Variants in NLGN1 observed in about 807,000 individuals in gnomAD.
The protein encoded by NLGN1 is neuroligin-1.
Under a neutral mutation model 65.5 loss-of-function variants are expected in NLGN1, and 12 were observed. The observed-to-expected ratio is 0.18, with a 90% CI of 0.12 to 0.30. The LOEUF is 0.30. Ranked by LOEUF, NLGN1 falls within the 10% of genes least tolerant of loss-of-function variation. The pLI is 1.00. For synonymous variants in NLGN1, 350 were observed against 359.5 expected (o/e 0.97, Z 0.30); for missense variants, 750 against 1,007.1 (o/e 0.74, Z 3.46).
At chr3:173,496,612 C>T (rs186699468) in intron 2 of NLGN1, among the ~76,000 whole-genome samples, 2 of 151,802 alleles carry the variant, frequency 1.3e-5, no homozygotes, top group Admixed American at 6.5e-5. Context: ...TATCTGTTAG[C>T]TTATCACAAT....
At chr3:174,044,493 G>A (rs561552290) in intron 4 of NLGN1, among the ~76,000 whole-genome samples, 45 of 152,140 alleles carry the variant, frequency 3.0e-4, no homozygotes, top group African/African-American at 1.1e-3. Context: ...GATCTCTAGG[G>A]CAGGGGCAAA....
At chr3:173,558,549 G>A (rs969228367) in intron 2 of NLGN1, among the ~76,000 whole-genome samples, 1 of 151,880 alleles carries the variant, frequency 6.6e-6, no homozygotes, top group East Asian at 1.9e-4. Flanking sequence ...TTATTGACCC[G>A]TCTTCAAGTT....
intron 4 of NLGN1, among the ~76,000 whole-genome samples, chr3:174,226,132 G>C (rs934320780): frequency 2.0e-5 from 3 of 152,010 alleles, no homozygotes; most frequent in South Asian, 2.1e-4. Context: ...AGATGATTAG[G>C]AAACATATGG....
intron 4 of NLGN1, among the ~76,000 whole-genome samples, chr3:173,960,285 GT>G (rs377098210): frequency 2.0e-5 from 3 of 151,778 alleles, no homozygotes; most frequent in African/African-American, 7.2e-5. Context: ...TATTTGTAGG[GT>G]TTTTTTGCTT....
At chr3:173,584,968 C>T (rs920161797) in intron 2 of NLGN1, 2 of 152,112 alleles carry the variant, frequency 1.3e-5, no homozygotes, top group Non-Finnish European at 1.5e-5. Context: ...AGACCGTCTC[C>T]TTGAATCATT....
intron 4 of NLGN1, among the ~76,000 whole-genome samples, chr3:174,115,940 A>G (rs1716312747): frequency 6.6e-6 from 1 of 152,212 alleles, no homozygotes; most frequent in African/African-American, 2.4e-5. Context: ...ATCCCAAAAT[A>G]TATTCCATTT....
At chr3:173,850,780 A>G (rs987654975) in intron 4 of NLGN1, among the ~76,000 whole-genome samples, 1 of 152,142 alleles carries the variant, frequency 6.6e-6, no homozygotes, top group African/African-American at 2.4e-5. Context: ...TCTGTCACCC[A>G]GGCTAGAGTG....
chr3:173,794,079 C>T (rs1018594480), intron 3 of NLGN1, among the ~76,000 whole-genome samples: 1 of 151,934 alleles, frequency 6.6e-6, no homozygotes, highest in Admixed American at 6.6e-5. Flanking sequence ...TTTCTTTCCC[C>T]GAAATCTTCT....
chr3:173,750,339 A>G (rs554737417), intron 3 of NLGN1, among the ~76,000 whole-genome samples: 4 of 152,208 alleles, frequency 2.6e-5, no homozygotes, highest in South Asian at 2.1e-4. Flanking sequence ...GGCTTACACC[A>G]TACCCTTATG....
chr3:173,611,744 T>C (rs1305502820), intron 3 of NLGN1, among the ~76,000 whole-genome samples: 3 of 152,058 alleles, frequency 2.0e-5, no homozygotes, highest in African/African-American at 7.2e-5. Flanking sequence ...ACAGAGACAG[T>C]CTCCTGAAGC....
intron 2 of NLGN1, among the ~76,000 whole-genome samples, chr3:173,484,896 T>G (rs1478107339): frequency 6.6e-6 from 1 of 151,980 alleles, no homozygotes; most frequent in African/African-American, 2.4e-5. Flanking sequence ...AGTTTCTGTG[T>G]TTTTCTACTG....
At chr3:173,752,889 A>G (rs1416506121) in intron 3 of NLGN1, among the ~76,000 whole-genome samples, 2 of 152,124 alleles carry the variant, frequency 1.3e-5, no homozygotes, top group African/African-American at 2.4e-5. Flanking sequence ...CAGTGAAAAC[A>G]TAGAAGCAAT....
exon 7 of NLGN1, chr3:174,285,610 C>T (rs1752022420): frequency 1.3e-5 from 2 of 151,448 alleles, no homozygotes; most frequent in Non-Finnish European, 3.0e-5. Context: ...TGCTATGAAA[C>T]ATTTGGTGGC....
At chr3:173,754,019 C>T (rs557206491) in intron 3 of NLGN1, among the ~76,000 whole-genome samples, 5 of 104,556 alleles carry the variant, frequency 4.8e-5, no homozygotes, top group Non-Finnish European at 8.0e-5. Flanking sequence ...TTATTTCTTT[C>T]TTTTCTTTTT....
chr3:173,863,135 A>T (rs1178910539), intron 4 of NLGN1, among the ~76,000 whole-genome samples: 2 of 138,898 alleles, frequency 1.4e-5, no homozygotes, highest in Non-Finnish European at 3.1e-5. Flanking sequence ...GATGGCTGAT[A>T]AAAAAAAAAA....
At chr3:173,413,602 A>AAAT (rs1713060830) in intron 1 of NLGN1, among the ~76,000 whole-genome samples, 2 of 151,942 alleles carry the variant, frequency 1.3e-5, no homozygotes, top group Non-Finnish European at 2.9e-5. Context: ...TCCATCTCAA[A>AAAT]AATAAAATTA....
intron 4 of NLGN1, among the ~76,000 whole-genome samples, chr3:174,085,262 G>A (rs989930143): frequency 3.3e-5 from 5 of 151,860 alleles, no homozygotes; most frequent in Admixed American, 1.3e-4. Flanking sequence ...ATGCTTCTTA[G>A]AACAGAGAAG....
At chr3:173,737,914 A>G (rs1292269377) in intron 3 of NLGN1, among the ~76,000 whole-genome samples, 1 of 152,032 alleles carries the variant, frequency 6.6e-6, no homozygotes, top group Non-Finnish European at 1.5e-5. Flanking sequence ...CCTCACCAAC[A>G]CTTGCTTATC....
At position 174,273,576 on chromosome 3, in the gene NLGN1, T is replaced by TTCG. The variant is rs1749904346; in HGVS notation, c.647-1739_647-1738insTCG. On this transcript the variant is annotated intron_variant, in intron 4 of 6. Transcript: ENST00000457714. ...AATATTGAGTATTTGCAAATACTTC[T>TTCG]ATCTAAGAAGATACCATAAAAATTT... Among the ~76,000 whole-genome samples the TTCG allele has an allele frequency of 2.0e-5, 3 of 149,020 alleles. No individual in the cohort carries two copies. The Admixed American group carries it at 2.0e-4, about 10-fold the overall frequency.
Sources: gnomAD v4.1 joint callset for allele counts (sites outside exome capture counted in the v4.1 genomes callset) on GRCh38, gnomAD v4.1.1 for gene constraint, MANE v1.5 for transcripts, NCBI Gene and HGNC (gene_info 2026-07-23, HGNC 2026-07-21) for gene names.